The following HS3ST3A1 variants were observed in gnomAD, a reference collection of about 807,000 sequenced individuals.
HS3ST3A1 encodes the protein heparan sulfate-glucosamine 3-sulfotransferase 3A1.
In HS3ST3A1, 19 loss-of-function variants were observed where a neutral mutation model predicts 25.7. The observed-to-expected ratio is 0.74, with a 90% CI of 0.52 to 1.08. HS3ST3A1 has a LOEUF of 1.08. Ranked by LOEUF, HS3ST3A1 falls within the 50% of genes least tolerant of loss-of-function variation. HS3ST3A1 has a pLI of 0.00. For missense variants in HS3ST3A1, 459 were observed against 594.3 expected, an observed-to-expected ratio of 0.77 and a Z score of 2.37; for synonymous variants, 226 against 278.6, an observed-to-expected ratio of 0.81 and a Z score of 1.88.
chr17:13,536,584 ATGT>A (rs1230929298), intron 1 of HS3ST3A1, among the ~76,000 whole-genome samples: 3 of 152,190 alleles, frequency 2.0e-5, no homozygotes, highest in Non-Finnish European at 4.4e-5. Context: ...CTCACCATTA[ATGT>A]TGCTAACTGA....
intron 1 of HS3ST3A1, among the ~76,000 whole-genome samples, chr17:13,504,095 A>T (rs972386715): frequency 3.3e-5 from 5 of 152,128 alleles, no homozygotes; most frequent in Non-Finnish European, 7.4e-5. Context: ...TGGGTGGATC[A>T]TGAGGTCAGG....
chr17:13,591,514 A>T (rs2142392813), intron 1 of HS3ST3A1, among the ~76,000 whole-genome samples: 1 of 152,302 alleles, frequency 6.6e-6, no homozygotes, highest in African/African-American at 2.4e-5. Context: ...TTCTTTAGAG[A>T]AAAAGGGAGA....
At chr17:13,518,234 A>C (rs1906117723) in intron 1 of HS3ST3A1, among the ~76,000 whole-genome samples, 1 of 152,172 alleles carries the variant, frequency 6.6e-6, no homozygotes, top group South Asian at 2.1e-4. Context: ...TTCTCAAAAC[A>C]GGAAATAACT....
rs988186494 is a variant in HS3ST3A1, at chr17:13,601,210, G to A, written c.-81C>T. 8.9e-7 allele frequency: 1 copy of A among 1,126,336 alleles called. No individual in the cohort carries two copies. Among genetic ancestry groups the A allele is most frequent in the Non-Finnish European group, 1.2e-6 (1 of 836,798 alleles). 69.8% of individuals were successfully genotyped at this position (1,126,336 alleles called of 1,614,324 possible). ...CAGGTGCCAGAGCATCCCCCCGGCG[G>A]GCCAGCGCGCTGGACGGAGGCCACA... On this transcript the variant is annotated 5_prime_UTR_variant, in exon 1 of 2. Coordinates refer to ENST00000284110, the MANE Select transcript of HS3ST3A1 (RefSeq NM_006042.3).
intron 1 of HS3ST3A1, among the ~76,000 whole-genome samples, chr17:13,526,739 C>G (rs1180179331): frequency 6.6e-6 from 1 of 151,730 alleles, no homozygotes; most frequent in Non-Finnish European, 1.5e-5. Context: ...CCTCCGCCTC[C>G]CAGGTTCAAG....
intron 1 of HS3ST3A1, among the ~76,000 whole-genome samples, chr17:13,537,139 C>A (rs1906795075): frequency 6.6e-6 from 1 of 152,194 alleles, no homozygotes; most frequent in Non-Finnish European, 1.5e-5. Flanking sequence ...CTCATGCACT[C>A]CTAGCATCAA....
intron 1 of HS3ST3A1, among the ~76,000 whole-genome samples, chr17:13,570,054 C>T (rs1162356605): frequency 1.3e-5 from 2 of 152,196 alleles, no homozygotes; most frequent in Non-Finnish European, 2.9e-5. Context: ...AACAGTTATT[C>T]TAACCTTTCA....
At chr17:13,560,319 A>AAAAAAAAAAAAAAAAAT (rs1907502490) in intron 1 of HS3ST3A1, among the ~76,000 whole-genome samples, 6 of 143,922 alleles carry the variant, frequency 4.2e-5, no homozygotes, top group Non-Finnish European at 9.1e-5. Context: ...AAAAAAAAAA[A>AAAAAAAAAAAAAAAAAT]GTGTATTACC....
At chr17:13,510,948 C>G (rs185016289) in intron 1 of HS3ST3A1, among the ~76,000 whole-genome samples, 2 of 152,200 alleles carry the variant, frequency 1.3e-5, no homozygotes, top group African/African-American at 4.8e-5. Flanking sequence ...TTATTAATCA[C>G]TCTTATGATA....
At chr17:13,571,179 T>C (rs1422912986) in intron 1 of HS3ST3A1, among the ~76,000 whole-genome samples, 1 of 152,176 alleles carries the variant, frequency 6.6e-6, no homozygotes, top group African/African-American at 2.4e-5. Flanking sequence ...GTATGGCCTG[T>C]CTAGAAACAA....
intron 1 of HS3ST3A1, among the ~76,000 whole-genome samples, chr17:13,502,952 A>G (rs1208631468): frequency 2.0e-5 from 3 of 151,802 alleles, no homozygotes; most frequent in Admixed American, 6.6e-5. Flanking sequence ...AGGCCAAGGC[A>G]GGCCAATCAT....
chr17:13,512,092 G>T (rs773037094), intron 1 of HS3ST3A1, among the ~76,000 whole-genome samples: 150 of 152,082 alleles, frequency 9.9e-4, no homozygotes, highest in Non-Finnish European at 1.8e-3. Context: ...GAGGTCAGGA[G>T]ATCGAGACCA....
At chr17:13,591,235 C>T (rs1414292840) in intron 1 of HS3ST3A1, among the ~76,000 whole-genome samples, 6 of 151,752 alleles carry the variant, frequency 4.0e-5, no homozygotes, top group Non-Finnish European at 7.4e-5. Context: ...TGGGTAGAGA[C>T]AGGGTTTTAC....
chr17:13,560,931 A>G (rs1214005477), intron 1 of HS3ST3A1, among the ~76,000 whole-genome samples: 3 of 152,232 alleles, frequency 2.0e-5, no homozygotes, highest in Non-Finnish European at 4.4e-5. Flanking sequence ...ACAGCAAAGC[A>G]CAGATCCTGA....
At chr17:13,544,420 C>T (rs998383936) in intron 1 of HS3ST3A1, among the ~76,000 whole-genome samples, 34 of 152,200 alleles carry the variant, frequency 2.2e-4, no homozygotes, top group African/African-American at 8.0e-4. Flanking sequence ...GACGACCTTC[C>T]TAACTAAGGC....
At chr17:13,580,027 G>A (rs1162191220) in intron 1 of HS3ST3A1, among the ~76,000 whole-genome samples, 37 of 150,830 alleles carry the variant, frequency 2.5e-4, no homozygotes, top group Admixed American at 2.4e-3. Context: ...ACAAAAGCAA[G>A]GCTACCAGTT....
chr17:13,579,633 G>A (rs1250811166), intron 1 of HS3ST3A1, among the ~76,000 whole-genome samples: 7 of 148,920 alleles, frequency 4.7e-5, no homozygotes, highest in Non-Finnish European at 7.4e-5. Flanking sequence ...CTTGGGAGGC[G>A]GAGGTTGCAG....
intron 1 of HS3ST3A1, among the ~76,000 whole-genome samples, chr17:13,568,105 A>G (rs931750046): frequency 2.5e-4 from 38 of 152,072 alleles, no homozygotes; most frequent in African/African-American, 8.7e-4. Flanking sequence ...TTCAGCAACC[A>G]CTATCCTGAT....
At chr17:13,577,867 G>GGTATGTGTGT (rs1907987685) in intron 1 of HS3ST3A1, among the ~76,000 whole-genome samples, 1 of 151,072 alleles carries the variant, frequency 6.6e-6, no homozygotes, top group Non-Finnish European at 1.5e-5. Flanking sequence ...AGCAGTTTCT[G>GGTATGTGTGT]GTGTGTGTGT....
Sources: gnomAD v4.1 joint callset for allele counts (sites outside exome capture counted in the v4.1 genomes callset) on GRCh38, gnomAD v4.1.1 for gene constraint, MANE v1.5 for transcripts, NCBI Gene and HGNC (gene_info 2026-07-23, HGNC 2026-07-21) for gene names.